The following HS3ST4 variants were observed in gnomAD, a reference collection of about 807,000 sequenced individuals.
The protein encoded by HS3ST4 is heparan sulfate glucosamine 3-O-sulfotransferase 4.
In HS3ST4, 17 loss-of-function variants were observed where a neutral mutation model predicts 29.2. The observed-to-expected ratio is 0.58, with a 90% CI of 0.40 to 0.87. HS3ST4 has a LOEUF of 0.87. Among genes scored for constraint, HS3ST4 ranks in the 40% least tolerant of loss-of-function variants. The probability of loss-of-function intolerance (pLI) is 0.00; values close to 1 mark genes in which losing one functional copy is unlikely to be tolerated. For synonymous variants in HS3ST4, 314 were observed against 285.7 expected, an observed-to-expected ratio of 1.10 and a Z score of -1.00; for missense variants, 627 against 634.5, an observed-to-expected ratio of 0.99 and a Z score of 0.13.
chr16:25,947,524 A>G (rs774510323), intron 1 of HS3ST4, among the ~76,000 whole-genome samples: 24 of 150,868 alleles, frequency 1.6e-4, no homozygotes, highest in Non-Finnish European at 3.4e-4. Context: ...TCTGCAATCC[A>G]TGCGGTCACC....
Position 26,135,936 on chromosome 16 carries a change from C to A in HS3ST4, c.1059C>A (p.Leu353=). The A allele has an allele frequency of 6.2e-7, 1 of 1,614,000 alleles. No homozygotes were observed. ...AGTATTTCCCCCTCTCCCAGATCCT[C>A]TTTGTCAGTGGTGAGCGACTCATTG... ...WLQYFPLSQI[L]FVSGERLIVD... is the part of the protein sequence containing the mutation. Residue 353 remains leucine, a synonymous_variant, in exon 2 of 2, where the codon CTC becomes CTA. Transcript: ENST00000331351.
At chr16:25,857,868 A>T (rs1967589473) in intron 1 of HS3ST4, among the ~76,000 whole-genome samples, 1 of 148,262 alleles carries the variant, frequency 6.7e-6, no homozygotes, top group African/African-American at 2.5e-5. Flanking sequence ...ATTTACATGA[A>T]TTTCTTTCTC....
intron 1 of HS3ST4, among the ~76,000 whole-genome samples, chr16:25,820,339 A>G (rs1417508483): frequency 6.6e-6 from 1 of 152,166 alleles, no homozygotes; most frequent in Admixed American, 6.5e-5. Context: ...AACTTGGGCA[A>G]GTTAGGACAG....
chr16:25,744,662 A>G (rs1966675113), intron 1 of HS3ST4, among the ~76,000 whole-genome samples: 1 of 152,068 alleles, frequency 6.6e-6, no homozygotes, highest in Admixed American at 6.5e-5. Flanking sequence ...TCCCCACCCA[A>G]ATCTCATCTT....
rs903505488 is a variant in HS3ST4 at position 26,047,958 on chromosome 16, G to A, written c.735-87654G>A. 4.5e-4 allele frequency among the ~76,000 whole-genome samples: 69 copies of A among 152,202 alleles called. 1 individual carries two copies. Among genetic ancestry groups the A allele is most frequent in the Non-Finnish European group, 8.8e-5 (6 of 68,034 alleles). On this transcript the variant is annotated intron_variant, in intron 1 of 1. Transcript: ENST00000331351. ...CAGAGCAATGCTTGAGGAGAGGCAT[G>A]ACTCCTGCTCCAACCAGATGTGAGG...
chr16:25,692,451 C>G lies in HS3ST4; in HGVS notation c.34C>G (p.Pro12Ala). 1 of 1,290,970 alleles carries G rather than the reference C, an allele frequency of 7.7e-7. No individual in the cohort carries two copies. Among genetic ancestry groups the G allele is most frequent in the East Asian group, 3.6e-5 (1 of 27,758 alleles). 80.0% of individuals were successfully genotyped at this position (1,290,970 alleles called of 1,614,324 possible). ...GTGGCCCGCACCTCCTCCGCCTCCG[C>G]CTCCGCCTCCACCTCTGGCCGCGCC... ...ARWPAPPPPP[P>A]PPPPLAAPPP... is the part of the protein sequence containing the mutation. The change falls in exon 1 of 2, where the codon CCT becomes GCT. Residue 12 changes from proline to alanine, a missense_variant. Physicochemically the swap from Pro to Ala is conservative, Grantham distance 27. Transcript: ENST00000331351.
At chr16:25,773,152 T>C (rs745593790) in intron 1 of HS3ST4, among the ~76,000 whole-genome samples, 1 of 152,220 alleles carries the variant, frequency 6.6e-6, no homozygotes, top group Non-Finnish European at 1.5e-5. Context: ...AAACTGCTGC[T>C]GTCTGGTTCC....
chr16:25,742,136 A>G (rs978119043), intron 1 of HS3ST4, among the ~76,000 whole-genome samples: 22 of 152,210 alleles, frequency 1.4e-4, no homozygotes, highest in African/African-American at 5.3e-4. Context: ...ATATGTAACT[A>G]TTCAAAATGC....
chr16:25,949,314 TCTAA>T (rs1968661205), intron 1 of HS3ST4, among the ~76,000 whole-genome samples: 1 of 152,160 alleles, frequency 6.6e-6, no homozygotes, highest in African/African-American at 2.4e-5. Flanking sequence ...ATTCATTCTT[TCTAA>T]CTATTTTTGG....
chr16:26,047,477 G>A (rs1898284879), intron 1 of HS3ST4, among the ~76,000 whole-genome samples: 1 of 152,194 alleles, frequency 6.6e-6, no homozygotes, highest in Non-Finnish European at 1.5e-5. Context: ...TTGTCAGTTG[G>A]TGTCTTGCCC....
At chr16:25,908,929 T>C (rs1473340343) in intron 1 of HS3ST4, among the ~76,000 whole-genome samples, 9 of 152,158 alleles carry the variant, frequency 5.9e-5, no homozygotes, top group African/African-American at 2.2e-4. Context: ...ATTTGGACAA[T>C]ACAGTGATGT....
rs115753741 is a variant in HS3ST4 at position 25,843,513 on chromosome 16, G to T, written c.734+150362G>T. 3.5e-3 allele frequency among the ~76,000 whole-genome samples: 536 copies of T among 152,240 alleles called. 6 individuals are homozygous for T. Among genetic ancestry groups the T allele is most frequent in the African/African-American group, 0.012 (506 of 41,560 alleles). ...CTATCAACCAAATATAAATCCCATG[G>T]CCAGTCCAGATTTGAAAGGAGGAAG... On this transcript the variant is annotated intron_variant, in intron 1 of 1. Coordinates refer to ENST00000331351, the MANE Select transcript of HS3ST4 (RefSeq NM_006040.3).
intron 1 of HS3ST4, among the ~76,000 whole-genome samples, chr16:25,755,659 A>G (rs1030271287): frequency 8.5e-5 from 13 of 152,338 alleles, no homozygotes; most frequent in Non-Finnish European, 1.6e-4. Flanking sequence ...ATGTTTAATT[A>G]GGACATCTTT....
intron 1 of HS3ST4, among the ~76,000 whole-genome samples, chr16:25,903,638 T>C (rs919727833): frequency 2.6e-5 from 4 of 152,070 alleles, no homozygotes; most frequent in Non-Finnish European, 5.9e-5. Context: ...TCTTCTTTCT[T>C]CCTTATGCCT....
At chr16:25,968,438 G>A (rs11641690) in intron 1 of HS3ST4, among the ~76,000 whole-genome samples, 12,851 of 152,152 alleles carry the variant, frequency 0.084, 736 homozygotes, top group Non-Finnish European at 0.12. Flanking sequence ...GATGAGGCAC[G>A]TGCACTCCAA....
intron 1 of HS3ST4, among the ~76,000 whole-genome samples, chr16:26,070,657 G>T (rs1276451263): frequency 6.6e-6 from 1 of 152,188 alleles, no homozygotes; most frequent in Non-Finnish European, 1.5e-5. Context: ...ACCCTAGAAG[G>T]ATGCTTTACA....
intron 1 of HS3ST4, among the ~76,000 whole-genome samples, chr16:25,717,481 A>G (rs1966461931): frequency 6.6e-6 from 1 of 150,618 alleles, no homozygotes; most frequent in African/African-American, 2.4e-5. Flanking sequence ...ATTTGAGATG[A>G]GATCTGAAGG....
intron 1 of HS3ST4, among the ~76,000 whole-genome samples, chr16:25,920,609 T>G (rs1333106711): frequency 8.3e-6 from 1 of 121,130 alleles, no homozygotes; most frequent in Non-Finnish European, 1.8e-5. Context: ...CCCACCCCTC[T>G]TTTTTTTTTT....
In HS3ST4 at chr16:25,886,112, A is replaced by T. The variant is rs185358607; in HGVS notation, c.734+192961A>T. Among the ~76,000 whole-genome samples the T allele has an allele frequency of 2.9e-5, 4 of 136,048 alleles. No homozygotes were observed. The Admixed American group carries it at 3.4e-4, about 12-fold the overall frequency. 89.3% of individuals were successfully genotyped at this position (136,048 alleles called of 152,430 possible). On this transcript the variant is annotated intron_variant, in intron 1 of 1. Coordinates refer to ENST00000331351, the MANE Select transcript of HS3ST4 (RefSeq NM_006040.3). ...CAGGGGCATGATCTCGGCACACTGC[A>T]GTGTCTGCCTCCTGGGTTCAAGCAA...
Sources: allele counts gnomAD v4.1 joint callset (sites outside exome capture counted in the v4.1 genomes callset), GRCh38; gene constraint gnomAD v4.1.1; transcripts MANE v1.5; gene names NCBI Gene and HGNC (gene_info 2026-07-23, HGNC 2026-07-21).